EBF4: variants seen among roughly 807,000 people sequenced by gnomAD.
The protein encoded by EBF4 is EBF transcription factor 4, also known as transcription factor COE4.
EBF4 carries 34 observed loss-of-function variants against 67.1 expected under a neutral mutation model. The ratio of observed to expected loss-of-function variants is 0.51; its 90% CI spans 0.39 to 0.67. The LOEUF is 0.67. Among genes scored for constraint, EBF4 ranks in the 30% least tolerant of loss-of-function variants. EBF4 has a pLI of 0.00. For missense variants in EBF4, 837 were observed against 873.3 expected (o/e 0.96, Z 0.52); for synonymous variants, 387 against 377.7 (o/e 1.02, Z -0.29).
Position 2,751,737 on chromosome 20 carries a change from G to A in EBF4, c.1056G>A (p.Arg352=). Reference sequence around the variant, plus strand: ...CCACCATTGACTACGGATTCCAGAGGCTACAGAAAGTCATTCCCAGACACC... The same window carrying A: ...CCACCATTGACTACGGATTCCAGAGACTACAGAAAGTCATTCCCAGACACC... The change falls in exon 11 of 17, where the codon AGG becomes AGA. Residue 352 remains arginine (R), a synonymous_variant. Coordinates refer to ENST00000609451, the Ensembl canonical transcript of EBF4. This position sits in a 1 kb window ranked among gnomAD's most constrained non-coding sequence, Gnocchi z 5.2. The A allele has an allele frequency of 2.6e-6, 4 of 1,548,882 alleles. No individual in the cohort carries two copies. The highest frequency in any genetic ancestry group is 3.5e-6 in the Non-Finnish European group (4 of 1,145,914).
At chr20:2,752,787 T>G (rs1401997614) in intron 14 of EBF4, among the ~76,000 whole-genome samples, 2 of 152,248 alleles carry the variant, frequency 1.3e-5, no homozygotes, top group Non-Finnish European at 2.9e-5. Context: ...ACTTTTAGCC[T>G]TCTTTGCCGG....
At chr20:2,716,050 T>C (rs2087604511) in intron 6 of EBF4, among the ~76,000 whole-genome samples, 1 of 151,422 alleles carries the variant, frequency 6.6e-6, no homozygotes, top group South Asian at 2.1e-4. Flanking sequence ...CGCCCGGCCT[T>C]ACTCTGTATT....
intron 1 of EBF4, among the ~76,000 whole-genome samples, chr20:2,694,231 C>T (rs1382856098): frequency 6.6e-6 from 1 of 152,214 alleles, no homozygotes; most frequent in African/African-American, 2.4e-5. Flanking sequence ...TTCCCACGCC[C>T]CTCAGAGTTG....
intron 6 of EBF4, among the ~76,000 whole-genome samples, chr20:2,714,069 T>C (rs1353216261): frequency 6.6e-6 from 1 of 152,212 alleles, no homozygotes; most frequent in Non-Finnish European, 1.5e-5. Context: ...GTAAGTGATC[T>C]TGGGGAAGAT....
chr20:2,739,295 G>GTC lies in EBF4; in HGVS notation c.558-9254_558-9253insTC, dbSNP rs2087935047. On this transcript the variant is annotated intron_variant, in intron 6 of 16. Transcript: ENST00000609451. This position sits in a 1 kb window ranked among gnomAD's most constrained non-coding sequence, Gnocchi z 4.5. ...CTCCTCAGTCTTGTCAGGCACCACT[G>GTC]ATCGAGTGAGCCGTCTGCCCCGTGG... 5.3e-5 allele frequency among the ~76,000 whole-genome samples: 8 copies of GTC among 151,960 alleles called. 1 individual carries two copies. In the South Asian group the frequency reaches 1.7e-3, roughly 32 times the overall value.
chr20:2,714,437 G>A (rs1352392447), intron 6 of EBF4, among the ~76,000 whole-genome samples: 2 of 151,522 alleles, frequency 1.3e-5, no homozygotes, highest in East Asian at 1.9e-4. Context: ...ACTGCACCTC[G>A]ACCTCCTGGG....
chr20:2,760,073 TGCCC>T (rs1182514131), downstream of EBF4: 1 of 152,242 alleles, frequency 6.6e-6, no homozygotes, highest in Non-Finnish European at 1.5e-5. The surrounding 1 kb of genome is among the most constrained non-coding windows in gnomAD (Gnocchi z 4.2). Context: ...ATGCAGGTGG[TGCCC>T]GCCCGGCCTC....
At chr20:2,704,951 G>A (rs904498818) in intron 1 of EBF4, among the ~76,000 whole-genome samples, 1 of 152,232 alleles carries the variant, frequency 6.6e-6, no homozygotes, top group Non-Finnish European at 1.5e-5. Flanking sequence ...AGTTCCTCCT[G>A]CCCAAGGGAG....
At chr20:2,703,140 C>A (rs1398391302) in intron 1 of EBF4, among the ~76,000 whole-genome samples, 2 of 151,594 alleles carry the variant, frequency 1.3e-5, no homozygotes. Flanking sequence ...GCCTGTAGTC[C>A]CAGCTAGTCA....
rs1245995043 is a variant in EBF4 at position 2,755,854 on chromosome 20, A to G, written c.1738+30A>G. On this transcript the variant is annotated intron_variant, in intron 15 of 16. Transcript: ENST00000609451. This position sits in a 1 kb window ranked among gnomAD's most constrained non-coding sequence, Gnocchi z 4.7. The stretch of plus-strand genomic sequence containing the variant: ...GTGATCCACCCTGCCTCACTGTGGC[A>G]GGAAGGAAGGGCCCTTGTGGAGCAG... 1.3e-6 allele frequency: 2 copies of G among 1,535,120 alleles called. No homozygotes were observed. Among genetic ancestry groups the G allele is most frequent in the Admixed American group, 2.0e-5 (1 of 50,582 alleles).
chr20:2,744,904 A>G (rs1357810049), intron 6 of EBF4, among the ~76,000 whole-genome samples: 1 of 152,184 alleles, frequency 6.6e-6, no homozygotes, highest in Non-Finnish European at 1.5e-5. Flanking sequence ...GCATTCCCAC[A>G]TGAAATCAAC....
chr20:2,697,466 AC>A (rs1160779436), intron 1 of EBF4, among the ~76,000 whole-genome samples: 1 of 151,336 alleles, frequency 6.6e-6, no homozygotes. Context: ...AATGGCGTGA[AC>A]CCGGGAGGCG....
chr20:2,725,261 T>C (rs981866111), intron 6 of EBF4, among the ~76,000 whole-genome samples: 3 of 152,204 alleles, frequency 2.0e-5, no homozygotes, highest in African/African-American at 7.2e-5. Flanking sequence ...ATTTTTCTCT[T>C]CATATTGCAT....
intron 6 of EBF4, among the ~76,000 whole-genome samples, chr20:2,725,882 A>C (rs534631579): frequency 6.6e-6 from 1 of 152,332 alleles, no homozygotes; most frequent in African/African-American, 2.4e-5. Context: ...GCTCCCAATT[A>C]GATTTCAACT....
At chr20:2,705,787 A>C (rs1432409685) in intron 2 of EBF4, 54 bp downstream of exon 2, 21 of 152,844 alleles carry the variant, frequency 1.4e-4, no homozygotes, top group Non-Finnish European at 1.8e-4. Context: ...ACCCCCAACC[A>C]CACACACACA....
chr20:2,750,226 C>G (rs1040660430), intron 10 of EBF4, among the ~76,000 whole-genome samples: 1 of 152,150 alleles, frequency 6.6e-6, no homozygotes, highest in Non-Finnish European at 1.5e-5. Flanking sequence ...AAGTCCCCCC[C>G]ACAACCAACA....
chr20:2,697,916 G>A (rs2087319547), intron 1 of EBF4, among the ~76,000 whole-genome samples: 1 of 152,224 alleles, frequency 6.6e-6, no homozygotes, highest in Admixed American at 6.5e-5. Flanking sequence ...CACTAGCAGG[G>A]CCCCGGAGAG....
At chr20:2,750,022 C>T in intron 10 of EBF4, 49 bp downstream of exon 10, 1 of 1,507,878 alleles carries the variant, frequency 6.6e-7, no homozygotes, top group Non-Finnish European at 8.9e-7. Context: ...CGGAGGGAGC[C>T]CCACCCTGCG....
intron 1 of EBF4, among the ~76,000 whole-genome samples, chr20:2,702,987 G>C (rs574932951): frequency 1.3e-5 from 2 of 152,150 alleles, no homozygotes; most frequent in Admixed American, 1.3e-4. Context: ...AGCAGGGTGT[G>C]TTAGTTGGCC....
Sources: allele counts gnomAD v4.1 joint callset (sites outside exome capture counted in the v4.1 genomes callset), GRCh38; gene constraint gnomAD v4.1.1; non-coding constraint Gnocchi (gnomAD v3.1); transcripts MANE v1.5; gene names NCBI Gene and HGNC (gene_info 2026-07-23, HGNC 2026-07-21).